Variants in MIPEP observed in about 807,000 individuals in gnomAD.
MIPEP encodes the protein mitochondrial intermediate peptidase.
MIPEP carries 79 observed loss-of-function variants against 90.3 expected under a neutral mutation model. The ratio of observed to expected loss-of-function variants is 0.87; its 90% CI spans 0.73 to 1.05. MIPEP has a LOEUF of 1.05. Among genes scored for constraint, MIPEP ranks in the 50% least tolerant of loss-of-function variants. MIPEP has a pLI of 0.00. For synonymous variants in MIPEP, 334 were observed against 315.8 expected (o/e 1.06, Z -0.61); for missense variants, 940 against 905.6 (o/e 1.04, Z -0.49).
chr13:23,836,712 T>C (rs1486021366), intron 13 of MIPEP, among the ~76,000 whole-genome samples: 2 of 152,258 alleles, frequency 1.3e-5, no homozygotes, highest in African/African-American at 2.4e-5. Context: ...CTAAATTCCA[T>C]TACCTAATAC....
At chr13:23,855,331 C>T (rs1161481836) in intron 10 of MIPEP, among the ~76,000 whole-genome samples, 1 of 152,134 alleles carries the variant, frequency 6.6e-6, no homozygotes, top group African/African-American at 2.4e-5. Flanking sequence ...ACTTTTAAAA[C>T]ATGTTAATTT....
At chr13:23,762,250 G>C (rs1422598776) in intron 16 of MIPEP, among the ~76,000 whole-genome samples, 1 of 151,658 alleles carries the variant, frequency 6.6e-6, no homozygotes, top group Non-Finnish European at 1.5e-5. Flanking sequence ...AATAAACAAA[G>C]TATAATCCTT....
chr13:23,792,581 T>A (rs928522569), intron 16 of MIPEP, among the ~76,000 whole-genome samples: 1 of 152,206 alleles, frequency 6.6e-6, no homozygotes, highest in Non-Finnish European at 1.5e-5. Flanking sequence ...TGGTCTTGAA[T>A]GCCTGGGCTC....
At chr13:23,834,805 T>G (rs918557350) in intron 14 of MIPEP, among the ~76,000 whole-genome samples, 6 of 152,038 alleles carry the variant, frequency 3.9e-5, no homozygotes, top group Non-Finnish European at 8.8e-5. Context: ...TACTAATCAT[T>G]CCCAGTTCCC....
chr13:23,730,556 A>G (rs538539259), intron 18 of MIPEP, 111 bp from the exon 19 acceptor site: 2 of 711,662 alleles, frequency 2.8e-6, no homozygotes, highest in East Asian at 5.4e-5. Context: ...CTGAATTAAG[A>G]CTCTGGCTGT....
In MIPEP at chr13:23,864,078, G is replaced by A. The variant is rs986344445; in HGVS notation, c.992+63C>T. The A allele has an allele frequency of 2.2e-5, 21 of 943,298 alleles. No individual in the cohort carries two copies. The African/African-American group carries it at 3.0e-4, about 14-fold the overall frequency. 58.4% of individuals were successfully genotyped at this position (943,298 alleles called of 1,614,324 possible). A position where few individuals can be genotyped will look rare whatever the true frequency, so the allele number is the denominator to read the frequency against. On this transcript the variant is annotated intron_variant, in intron 8 of 18. Transcript: ENST00000382172. ...CACTTCCTAATTTTTTATAAATCAA[G>A]TCTTCTTTAAAAAGACTAAATAACA...
At chr13:23,865,425 T>C (rs1024575708) in intron 7 of MIPEP, among the ~76,000 whole-genome samples, 10 of 152,344 alleles carry the variant, frequency 6.6e-5, no homozygotes, top group African/African-American at 2.2e-4. Flanking sequence ...GTCCTGTGTA[T>C]ACGAATTCTG....
At chr13:23,754,452 T>C (rs555996767) in intron 18 of MIPEP, among the ~76,000 whole-genome samples, 1 of 152,258 alleles carries the variant, frequency 6.6e-6, no homozygotes, top group African/African-American at 2.4e-5. Context: ...AACTAAAATC[T>C]GAATACTTAA....
intron 10 of MIPEP, among the ~76,000 whole-genome samples, chr13:23,855,790 T>C (rs1422000030): frequency 6.6e-6 from 1 of 152,206 alleles, no homozygotes; most frequent in African/African-American, 2.4e-5. Context: ...GAGTTAATAG[T>C]CAAATAAATA....
At chr13:23,864,104 T>C (rs748255520) in intron 8 of MIPEP, 37 bp downstream of exon 8, 1 of 1,192,484 alleles carries the variant, frequency 8.4e-7, no homozygotes, top group Non-Finnish European at 1.2e-6. Context: ...CTAAATAACA[T>C]ATAACCAAAA....
At chr13:23,741,200 A>G (rs1052256346) in intron 18 of MIPEP, among the ~76,000 whole-genome samples, 1 of 152,224 alleles carries the variant, frequency 6.6e-6, no homozygotes, top group African/African-American at 2.4e-5. Flanking sequence ...GAGAAAAAGG[A>G]ATGCTTATAC....
chr13:23,869,280 A>T lies in MIPEP; in HGVS notation c.943+12T>A, dbSNP rs762390520. On this transcript the variant is annotated intron_variant, in intron 7 of 18. Coordinates refer to ENST00000382172, the MANE Select transcript of MIPEP (RefSeq NM_005932.4). The stretch of plus-strand genomic sequence containing the variant: ...CCTATTTTGCCCTTAAATGTTGGAT[A>T]AACAGGCTTACCTGGATTTTTAGCT... The T allele has an allele frequency of 3.2e-6, 5 of 1,567,184 alleles. No homozygotes were observed. Among genetic ancestry groups the T allele is most frequent in the Non-Finnish European group, 3.4e-6 (4 of 1,161,838 alleles).
At chr13:23,820,407 T>C (rs1953292813) in intron 14 of MIPEP, among the ~76,000 whole-genome samples, 1 of 152,218 alleles carries the variant, frequency 6.6e-6, no homozygotes, top group African/African-American at 2.4e-5. Flanking sequence ...CCAAAATTAT[T>C]TGAGCACAGA....
chr13:23,880,600 C>T (rs1281546537), intron 3 of MIPEP, among the ~76,000 whole-genome samples: 2,188 of 112,006 alleles, frequency 0.02, no homozygotes, highest in Middle Eastern at 0.04. Context: ...CTGACTCCTT[C>T]CCAGGGGCCT....
intron 7 of MIPEP, among the ~76,000 whole-genome samples, chr13:23,867,006 C>G (rs1246674256): frequency 2.7e-5 from 3 of 112,498 alleles, no homozygotes; most frequent in Non-Finnish European, 5.9e-5. Context: ...CTGCTACCAC[C>G]TGGTCAAGAT....
chr13:23,866,639 C>T (rs1012232056), intron 7 of MIPEP, among the ~76,000 whole-genome samples: 1 of 152,216 alleles, frequency 6.6e-6, no homozygotes, highest in Admixed American at 6.5e-5. Context: ...TTACATCTGG[C>T]AGCGTTAACT....
intron 16 of MIPEP, among the ~76,000 whole-genome samples, chr13:23,803,505 A>G (rs1475523697): frequency 6.6e-6 from 1 of 151,588 alleles, no homozygotes; most frequent in Non-Finnish European, 1.5e-5. Flanking sequence ...ACAGGGCTGC[A>G]TTTTTTTTTC....
intron 14 of MIPEP, among the ~76,000 whole-genome samples, chr13:23,817,466 C>T (rs1173274388): frequency 6.6e-6 from 1 of 152,150 alleles, no homozygotes; most frequent in African/African-American, 2.4e-5. Flanking sequence ...TATAAATCTC[C>T]ACTTTTCCTT....
In MIPEP at chr13:23,889,392, C is replaced by A. The variant is rs373343534; in HGVS notation, c.-72G>T. ...CTGCTTTCGCTGGGAGCGCGCGCTC[C>A]GCGTTTCCAAGGCAGCAGCCCACGC... is the stretch of plus-strand genomic sequence containing the variant. On this transcript the variant is annotated 5_prime_UTR_variant, in exon 1 of 19. Coordinates refer to ENST00000382172, the MANE Select transcript of MIPEP (RefSeq NM_005932.4). 8.2e-7 allele frequency: 1 copy of A among 1,226,178 alleles called. No individual in the cohort carries two copies. The highest frequency in any genetic ancestry group is 1.6e-5 in the African/African-American group (1 of 64,360). 76.0% of individuals were successfully genotyped at this position (1,226,178 alleles called of 1,614,324 possible).
Sources: gnomAD v4.1 joint callset for allele counts (sites outside exome capture counted in the v4.1 genomes callset) on GRCh38, gnomAD v4.1.1 for gene constraint, MANE v1.5 for transcripts, NCBI Gene and HGNC (gene_info 2026-07-23, HGNC 2026-07-21) for gene names.